The following TMEM132D variants were observed in gnomAD, a reference collection of about 807,000 sequenced individuals.
TMEM132D encodes the protein mature OL transmembrane protein.
TMEM132D carries 21 observed loss-of-function variants against 62.3 expected under a neutral mutation model. The ratio of observed to expected loss-of-function variants is 0.34; its 90% confidence interval spans 0.24 to 0.49. The LOEUF is 0.49. TMEM132D is among the 20% of genes least tolerant of loss of function. The pLI is 0.99. For missense variants in TMEM132D, 1,346 were observed against 1,402.8 expected, an observed-to-expected ratio of 0.96 and a Z score of 0.65; for synonymous variants, 621 against 575.6, an observed-to-expected ratio of 1.08 and a Z score of -1.13.
rs1450933704 is a variant in TMEM132D, at chr12:129,827,500, T to C, written c.79+75761A>G. On this transcript the variant is annotated intron_variant, in intron 1 of 8. Transcript: ENST00000422113. The surrounding 1 kb of genome is among the most constrained non-coding windows in gnomAD (Gnocchi z 9.7). ...AATGGGTATTTTGCAACTTTTTAAC[T>C]ATTTTACTTCTATGGCTGATTAGAC... Among the ~76,000 whole-genome samples, 2 of 150,294 alleles carry C rather than the reference T, an allele frequency of 1.3e-5. No individual in the cohort carries two copies. Among genetic ancestry groups the C allele is most frequent in the African/African-American group, 4.8e-5 (2 of 41,426 alleles).
chr12:129,151,214 A>G (rs1309320848), intron 5 of TMEM132D, among the ~76,000 whole-genome samples: 1 of 152,242 alleles, frequency 6.6e-6, no homozygotes, highest in Non-Finnish European at 1.5e-5. Context: ...CCTCTGCCAC[A>G]GCGATCCAGA....
chr12:129,600,928 G>A (rs2137142538), intron 2 of TMEM132D, among the ~76,000 whole-genome samples: 1 of 152,280 alleles, frequency 6.6e-6, no homozygotes, highest in South Asian at 2.1e-4. Flanking sequence ...TCAACTTAAA[G>A]TCACCAGCTG....
intron 1 of TMEM132D, among the ~76,000 whole-genome samples, chr12:129,747,715 GACAT>G (rs766506552): frequency 7.1e-6 from 1 of 141,344 alleles, no homozygotes; most frequent in South Asian, 2.3e-4. Flanking sequence ...CACACACTCA[GACAT>G]ACACACAGAC....
chr12:129,237,692 A>C (rs899246213), intron 4 of TMEM132D, among the ~76,000 whole-genome samples: 2 of 152,136 alleles, frequency 1.3e-5, no homozygotes, highest in Non-Finnish European at 2.9e-5. Context: ...AAAAATTTGC[A>C]TCCTGGCTGG....
chr12:129,816,253 T>C (rs1273494701), intron 1 of TMEM132D, among the ~76,000 whole-genome samples: 1 of 152,200 alleles, frequency 6.6e-6, no homozygotes, highest in Non-Finnish European at 1.5e-5. Flanking sequence ...CAAATATTTG[T>C]ATAAAATATT....
chr12:129,176,541 T>C (rs1877911427), intron 5 of TMEM132D, among the ~76,000 whole-genome samples: 1 of 152,240 alleles, frequency 6.6e-6, no homozygotes, highest in African/African-American at 2.4e-5. Context: ...TCTTTCCTTC[T>C]CTGATCTAGG....
intron 5 of TMEM132D, among the ~76,000 whole-genome samples, chr12:129,158,277 G>C (rs186935250): frequency 2.6e-4 from 40 of 152,300 alleles, no homozygotes; most frequent in African/African-American, 9.4e-4. Context: ...TTGCACACAC[G>C]TGTGCATGCT....
At chr12:129,170,786 C>T (rs7136914) in intron 5 of TMEM132D, among the ~76,000 whole-genome samples, 85,711 of 150,788 alleles carry the variant, frequency 0.57, 25,655 homozygotes, top group Non-Finnish European at 0.67. Context: ...CCAGCCTGAG[C>T]GACCCAGCGA....
At chr12:129,223,174 C>T (rs4411334) in intron 4 of TMEM132D, among the ~76,000 whole-genome samples, 47,098 of 151,656 alleles carry the variant, frequency 0.31, 7,648 homozygotes, top group South Asian at 0.38. Context: ...CAACACAGGC[C>T]GGTCTTAGGA....
chr12:129,785,557 C>T (rs73160217), intron 1 of TMEM132D, among the ~76,000 whole-genome samples: 9,065 of 152,202 alleles, frequency 0.06, 321 homozygotes, highest in East Asian at 0.1. Flanking sequence ...TGCACTAAAC[C>T]AAGTAACTTT....
intron 3 of TMEM132D, among the ~76,000 whole-genome samples, chr12:129,415,483 C>T (rs1367915127): frequency 6.6e-6 from 1 of 152,204 alleles, no homozygotes; most frequent in Non-Finnish European, 1.5e-5. Context: ...ATAAGAAACA[C>T]AAGTGAGCGG....
intron 2 of TMEM132D, among the ~76,000 whole-genome samples, chr12:129,627,788 A>G (rs1293227394): frequency 3.9e-5 from 6 of 152,148 alleles, no homozygotes. Flanking sequence ...GGAGTTCAAG[A>G]CCAACCTGGG....
At chr12:129,418,255 T>G (rs970203580) in intron 3 of TMEM132D, among the ~76,000 whole-genome samples, 2 of 152,126 alleles carry the variant, frequency 1.3e-5, no homozygotes, top group African/African-American at 4.8e-5. Context: ...TAAAGACACA[T>G]ACACGTGTAT....
intron 4 of TMEM132D, among the ~76,000 whole-genome samples, chr12:129,235,657 A>C (rs575444781): frequency 6.6e-6 from 1 of 152,294 alleles, no homozygotes; most frequent in Admixed American, 6.5e-5. Context: ...TGCTGATTTG[A>C]ATACTCAACC....
intron 2 of TMEM132D, among the ~76,000 whole-genome samples, chr12:129,645,567 GAATC>G (rs1879756417): frequency 6.6e-6 from 1 of 152,106 alleles, no homozygotes; most frequent in Non-Finnish European, 1.5e-5. Context: ...AGGAACAAAG[GAATC>G]AATCAATGTA....
chr12:129,483,083 A>C (rs1874478287), intron 3 of TMEM132D, among the ~76,000 whole-genome samples: 1 of 152,128 alleles, frequency 6.6e-6, no homozygotes, highest in Non-Finnish European at 1.5e-5. Flanking sequence ...AACAAAAAGA[A>C]AGAAAATTGT....
chr12:129,338,761 A>G lies in TMEM132D; in HGVS notation c.1116-944T>C, dbSNP rs577162660. On this transcript the variant is annotated intron_variant, in intron 3 of 8. Coordinates refer to ENST00000422113, the MANE Select transcript of TMEM132D (RefSeq NM_133448.3). ...TGAGAAATGATCACTGAACTCTGAC[A>G]TGTAGGAGAATAAGGTTTGTTCTTT... Among the ~76,000 whole-genome samples the G allele has an allele frequency of 6.5e-4, 99 of 152,350 alleles. 1 individual carries two copies. Among genetic ancestry groups the G allele is most frequent in the African/African-American group, 2.2e-3 (91 of 41,586 alleles).
At chr12:129,665,499 T>C (rs10773693) in intron 2 of TMEM132D, among the ~76,000 whole-genome samples, 115,022 of 151,326 alleles carry the variant, frequency 0.76, 44,092 homozygotes, top group East Asian at 0.84. Flanking sequence ...GCAGAGGGCT[T>C]CTAGGCTTTT....
intron 4 of TMEM132D, among the ~76,000 whole-genome samples, chr12:129,320,558 C>G (rs192316851): frequency 6.6e-6 from 1 of 152,116 alleles, no homozygotes; most frequent in Non-Finnish European, 1.5e-5. Flanking sequence ...GGTTAGACCA[C>G]GTAGGCTAGG....
Sources: allele counts gnomAD v4.1 joint callset (sites outside exome capture counted in the v4.1 genomes callset), GRCh38; gene constraint gnomAD v4.1.1; non-coding constraint Gnocchi (gnomAD v3.1); transcripts MANE v1.5; gene names NCBI Gene and HGNC (gene_info 2026-07-23, HGNC 2026-07-21).